Variants in RBFOX1 observed in about 807,000 individuals in gnomAD.
RBFOX1 encodes RNA binding fox-1 homolog 1.
Under a neutral mutation model 57.7 loss-of-function variants are expected in RBFOX1, and 8 were observed. That is an observed-to-expected ratio of 0.14 (90% CI 0.08 to 0.25). RBFOX1 has a LOEUF of 0.25. Among genes scored for constraint, RBFOX1 ranks in the 10% least tolerant of loss-of-function variants. The probability of loss-of-function intolerance (pLI) is 1.00; values close to 1 mark genes in which losing one functional copy is unlikely to be tolerated. For missense variants in RBFOX1, 611 were observed against 548.5 expected, an observed-to-expected ratio of 1.11 and a Z score of -1.14; for synonymous variants, 326 against 222.4, an observed-to-expected ratio of 1.47 and a Z score of -4.15.
rs192119211 is a variant in RBFOX1, at chr16:6,254,615, A to G, written c.-126-62380A>G. 2.0e-5 allele frequency among the ~76,000 whole-genome samples: 3 copies of G among 152,302 alleles called. No individual in the cohort carries two copies. In the East Asian group the frequency reaches 5.8e-4, roughly 29 times the overall value. ...ACATTTTAACATCTGTGCAACCTTC[A>G]TAAACCTTTGACTGATGCAATCTAG... On this transcript the variant is annotated intron_variant, in intron 1 of 15. Coordinates refer to ENST00000550418, the MANE Select transcript of RBFOX1 (RefSeq NM_018723.4).
intron 2 of RBFOX1, among the ~76,000 whole-genome samples, chr16:5,501,305 G>C (rs911528912): frequency 6.1e-5 from 6 of 98,166 alleles, no homozygotes; most frequent in Non-Finnish European, 1.1e-4. Flanking sequence ...ATGACAAAAC[G>C]AGACTCTGTC....
At chr16:7,120,886 T>C (rs1274348225) in intron 4 of RBFOX1, among the ~76,000 whole-genome samples, 1 of 144,166 alleles carries the variant, frequency 6.9e-6, no homozygotes, top group East Asian at 2.0e-4. Flanking sequence ...ATGGAATACA[T>C]ATAATACAGA....
chr16:6,583,829 A>G (rs1211370841), intron 2 of RBFOX1, among the ~76,000 whole-genome samples: 2 of 152,148 alleles, frequency 1.3e-5, no homozygotes, highest in African/African-American at 4.8e-5. Flanking sequence ...AGCTTGTTTT[A>G]TTTACTCATT....
intron 1 of RBFOX1, among the ~76,000 whole-genome samples, chr16:5,450,642 G>A (rs1228702581): frequency 1.3e-5 from 2 of 152,172 alleles, no homozygotes; most frequent in African/African-American, 4.8e-5. Context: ...GCCAAGGAAA[G>A]GAGAAAGGAT....
intron 3 of RBFOX1, among the ~76,000 whole-genome samples, chr16:6,881,909 A>C (rs12925230): frequency 6.6e-6 from 1 of 151,928 alleles, no homozygotes; most frequent in East Asian, 1.9e-4. Flanking sequence ...GTATAGCAGG[A>C]TTTAGATGTA....
At chr16:5,914,793 G>T (rs1011930767) in intron 4 of RBFOX1, among the ~76,000 whole-genome samples, 5 of 152,114 alleles carry the variant, frequency 3.3e-5, no homozygotes, top group African/African-American at 4.8e-5. Context: ...TACTCAGGAG[G>T]CTGAGGCAGG....
chr16:7,683,179 A>C (rs1034687488), intron 14 of RBFOX1, among the ~76,000 whole-genome samples: 5 of 148,632 alleles, frequency 3.4e-5, no homozygotes, highest in African/African-American at 1.2e-4. Flanking sequence ...AAGGGAAGGT[A>C]CATCTCAGCT....
intron 2 of RBFOX1, among the ~76,000 whole-genome samples, chr16:6,458,161 C>G (rs557829071): frequency 6.6e-6 from 1 of 152,198 alleles, no homozygotes; most frequent in African/African-American, 2.4e-5. Context: ...TGTGCAAACA[C>G]GGCCCCTCCC....
intron 14 of RBFOX1, among the ~76,000 whole-genome samples, chr16:7,702,718 C>G (rs961795028): frequency 6.6e-6 from 1 of 152,130 alleles, no homozygotes; most frequent in African/African-American, 2.4e-5. Flanking sequence ...GCATTTTGTC[C>G]AAACACAGAA....
chr16:6,499,145 G>C (rs1371054213), intron 2 of RBFOX1, among the ~76,000 whole-genome samples: 1 of 152,186 alleles, frequency 6.6e-6, no homozygotes, highest in African/African-American at 2.4e-5. Flanking sequence ...TTTGTTTACT[G>C]TGGAAGCTGG....
At chr16:7,007,594 A>G (rs1170610212) in intron 3 of RBFOX1, among the ~76,000 whole-genome samples, 1 of 152,208 alleles carries the variant, frequency 6.6e-6, no homozygotes, top group East Asian at 1.9e-4. Context: ...CCCATCCTCC[A>G]GCCATCTTTG....
chr16:6,031,997 A>C (rs927381447), intron 1 of RBFOX1, among the ~76,000 whole-genome samples: 1 of 151,978 alleles, frequency 6.6e-6, no homozygotes, highest in Non-Finnish European at 1.5e-5. Flanking sequence ...GCTCTGTGTC[A>C]CTTTCAGAGA....
At chr16:6,734,784 A>C (rs2069658417) in intron 3 of RBFOX1, among the ~76,000 whole-genome samples, 1 of 152,202 alleles carries the variant, frequency 6.6e-6, no homozygotes, top group South Asian at 2.1e-4. Context: ...AGTTGTACTT[A>C]AGATTTGTGG....
intron 2 of RBFOX1, among the ~76,000 whole-genome samples, chr16:5,470,402 C>A (rs1179866667): frequency 1.3e-5 from 2 of 152,218 alleles, no homozygotes; most frequent in African/African-American, 2.4e-5. Flanking sequence ...GTTGGGAAGT[C>A]TGTGCAGTTT....
At chr16:6,777,385 C>T (rs771766308) in intron 3 of RBFOX1, among the ~76,000 whole-genome samples, 1 of 152,084 alleles carries the variant, frequency 6.6e-6, no homozygotes, top group Admixed American at 6.6e-5. Flanking sequence ...AGAAAGAGAA[C>T]CGAGGCAGGC....
intron 4 of RBFOX1, among the ~76,000 whole-genome samples, chr16:5,920,977 T>C (rs1370414942): frequency 1.6e-5 from 2 of 124,074 alleles, no homozygotes; most frequent in Non-Finnish European, 3.6e-5. Context: ...TCCTCTTCCC[T>C]GTGTGACGTT....
chr16:7,412,790 C>G (rs889773295), intron 4 of RBFOX1, among the ~76,000 whole-genome samples: 1 of 152,196 alleles, frequency 6.6e-6, no homozygotes, highest in African/African-American at 2.4e-5. Flanking sequence ...CGCCTGTGAT[C>G]CCAGAGCTCT....
chr16:5,990,562 T>A (rs2152318881), intron 4 of RBFOX1, among the ~76,000 whole-genome samples: 1 of 152,194 alleles, frequency 6.6e-6, no homozygotes, highest in South Asian at 2.1e-4. Flanking sequence ...GTTATAAAAA[T>A]AGGAGGACAA....
intron 2 of RBFOX1, among the ~76,000 whole-genome samples, chr16:6,317,598 A>T (rs1012553927): frequency 1.3e-5 from 2 of 152,158 alleles, no homozygotes; most frequent in Non-Finnish European, 2.9e-5. Flanking sequence ...TAGAAATTTC[A>T]TTTGTTTTCA....
Sources: allele counts gnomAD v4.1 joint callset (sites outside exome capture counted in the v4.1 genomes callset), GRCh38; gene constraint gnomAD v4.1.1; transcripts MANE v1.5; gene names NCBI Gene and HGNC (gene_info 2026-07-23, HGNC 2026-07-21).